Variants in UBE2D4 observed in about 807,000 individuals in gnomAD.
UBE2D4 encodes the protein ubiquitin-conjugating enzyme E2 D4.
UBE2D4 carries 17 observed loss-of-function variants against 23.0 expected under a neutral mutation model. That is an observed-to-expected ratio of 0.74 (90% CI 0.51 to 1.11). UBE2D4 has a LOEUF of 1.11. Ranked by LOEUF, UBE2D4 falls within the 50% of genes least tolerant of loss-of-function variation. UBE2D4 has a pLI of 0.00. For synonymous variants in UBE2D4, 61 were observed against 69.4 expected, an observed-to-expected ratio of 0.88 and a Z score of 0.60; for missense variants, 139 against 181.8, an observed-to-expected ratio of 0.76 and a Z score of 1.35.
chr7:43,952,543 AAGC>A (rs1217939983), intron 6 of UBE2D4, 104 bp from the exon 7 acceptor site: 201 of 1,001,678 alleles, frequency 2.0e-4, no homozygotes, highest in Non-Finnish European at 2.5e-4. Flanking sequence ...GATGTTTGAC[AAGC>A]AGCAGCAGCA....
chr7:43,929,101 G>A (rs189128139), intron 1 of UBE2D4, among the ~76,000 whole-genome samples: 1 of 152,092 alleles, frequency 6.6e-6, no homozygotes, highest in Admixed American at 6.5e-5. Flanking sequence ...AGACCAACTG[G>A]GCAACACAGC....
At chr7:43,939,910 T>C (rs1429354504) in intron 2 of UBE2D4, among the ~76,000 whole-genome samples, 1 of 151,436 alleles carries the variant, frequency 6.6e-6, no homozygotes, top group Non-Finnish European at 1.5e-5. Context: ...TTGTTGGGGG[T>C]GATGGAAAGC....
At position 43,940,027 on chromosome 7, in the gene UBE2D4, T is replaced by C. The variant is rs2095967736; in HGVS notation, c.88+1533T>C. ...AATTGCATATTTTATTATATATTTT[T>C]AACTACAATAAAAAGAAATTTCACA... On this transcript the variant is annotated intron_variant, in intron 2 of 6. Coordinates refer to ENST00000222402, the MANE Select transcript of UBE2D4 (RefSeq NM_015983.4). 2.0e-5 allele frequency among the ~76,000 whole-genome samples: 3 copies of C among 152,204 alleles called. No homozygotes were observed. In the South Asian group the frequency reaches 6.2e-4, roughly 31 times the overall value.
chr7:43,928,335 T>C (rs2095937807), intron 1 of UBE2D4, among the ~76,000 whole-genome samples: 1 of 152,022 alleles, frequency 6.6e-6, no homozygotes, highest in South Asian at 2.1e-4. Flanking sequence ...AGATCAACCA[T>C]CATTGTACAA....
At chr7:43,930,723 G>A (rs1394628678) in intron 1 of UBE2D4, among the ~76,000 whole-genome samples, 1 of 152,124 alleles carries the variant, frequency 6.6e-6, no homozygotes, top group Non-Finnish European at 1.5e-5. Flanking sequence ...TAAAGTGCTG[G>A]GATTACAGGT....
chr7:43,938,761 A>G (rs1181504), intron 2 of UBE2D4, among the ~76,000 whole-genome samples: 1 of 152,190 alleles, frequency 6.6e-6, no homozygotes. Flanking sequence ...GCTTGAACCC[A>G]GGAGGCAGAG....
chr7:43,936,454 ATAAAC>A (rs2095958958), intron 1 of UBE2D4, among the ~76,000 whole-genome samples: 1 of 152,118 alleles, frequency 6.6e-6, no homozygotes, highest in Admixed American at 6.6e-5. Context: ...TAATTACTAT[ATAAAC>A]TTAATCTACT....
At position 43,952,879 on chromosome 7, in the gene UBE2D4, A is replaced by G. The variant is rs899681574; in HGVS notation, c.*184A>G. The G allele has an allele frequency of 1.9e-5, 11 of 568,518 alleles. No individual in the cohort carries two copies. The African/African-American group carries it at 2.1e-4, about 11-fold the overall frequency. The allele number at this position is 568,518 out of a possible 1,614,324, so 35.2% of individuals were successfully genotyped here. ...CATTTTCAGCAATTACGGCTTTGACAGTGCCACCTCTTTGATGCCAAATCA... is the reference window on the plus strand; with the variant it reads ...CATTTTCAGCAATTACGGCTTTGACGGTGCCACCTCTTTGATGCCAAATCA... On this transcript the variant is annotated 3_prime_UTR_variant, in exon 7 of 7. Coordinates refer to ENST00000222402, the MANE Select transcript of UBE2D4 (RefSeq NM_015983.4).
chr7:43,926,657 G>C (rs1461990228), intron 1 of UBE2D4, 101 bp downstream of exon 1: 61 of 1,292,560 alleles, frequency 4.7e-5, no homozygotes, highest in Non-Finnish European at 6.1e-5. Context: ...GGCTCCGCGA[G>C]TCGCGGATAC....
intron 2 of UBE2D4, chr7:43,942,488 CTG>C (rs889094104): frequency 4.2e-6 from 2 of 474,198 alleles, no homozygotes; most frequent in African/African-American, 3.9e-5. Context: ...ATTGGGTGTT[CTG>C]TGTGTGTTGC....
intron 2 of UBE2D4, chr7:43,940,745 G>A (rs192897058): frequency 2.0e-5 from 3 of 152,310 alleles, no homozygotes; most frequent in Non-Finnish European, 4.4e-5. Flanking sequence ...AAGTGAACAA[G>A]ACCAGAGGAT....
At chr7:43,940,643 T>A (rs1390522547) in intron 2 of UBE2D4, among the ~76,000 whole-genome samples, 1 of 152,200 alleles carries the variant, frequency 6.6e-6, no homozygotes, top group African/African-American at 2.4e-5. Context: ...GCATCCCTCC[T>A]GTATATCCTT....
At position 43,952,713 on chromosome 7, in the gene UBE2D4, C is replaced by T. The variant is rs2096005672; in HGVS notation, c.*18C>T. 3.1e-6 allele frequency: 5 copies of T among 1,606,494 alleles called. No individual in the cohort carries two copies. In the East Asian group the frequency reaches 8.9e-5, roughly 29 times the overall value. On this transcript the variant is annotated 3_prime_UTR_variant, in exon 7 of 7. Transcript: ENST00000222402. ...CTATGTAAGTGCCTTGGAGGTTTTACATGAGACACTGTCCAAGAGAAGCTG... is the reference window on the plus strand; with the variant it reads ...CTATGTAAGTGCCTTGGAGGTTTTATATGAGACACTGTCCAAGAGAAGCTG...
chr7:43,946,981 C>T (rs899309632), intron 4 of UBE2D4, among the ~76,000 whole-genome samples: 2 of 151,998 alleles, frequency 1.3e-5, no homozygotes, highest in South Asian at 2.1e-4. Flanking sequence ...CTGCACCCAT[C>T]AACTCATCAT....
chr7:43,942,709 G>A lies in UBE2D4; in HGVS notation c.89-117G>A, dbSNP rs2095975902. On this transcript the variant is annotated intron_variant, in intron 2 of 6. Transcript: ENST00000222402. ...GGGGAACCCCAGTCTTGCAGTTGGTGTCAGAAGTGAGTGCATCTTGTGTAG... is the reference window on the plus strand; with the variant it reads ...GGGGAACCCCAGTCTTGCAGTTGGTATCAGAAGTGAGTGCATCTTGTGTAG... 4 of 1,448,464 alleles carry A rather than the reference G, an allele frequency of 2.8e-6. No homozygotes were observed. In the East Asian group the frequency reaches 6.8e-5, roughly 25 times the overall value. The allele number at this position is 1,448,464 out of a possible 1,614,324, so 89.7% of individuals were successfully genotyped here. A position where few individuals can be genotyped will look rare whatever the true frequency, so the allele number is the denominator to read the frequency against.
intron 5 of UBE2D4, 142 bp downstream of exon 5, chr7:43,948,879 G>A: frequency 1.5e-6 from 1 of 664,838 alleles, no homozygotes; most frequent in African/African-American, 1.8e-5. Flanking sequence ...CCCTTAAGTG[G>A]ATATCCTTAC....
At chr7:43,943,325 C>T (rs1462430598) in intron 4 of UBE2D4, 3 of 535,582 alleles carry the variant, frequency 5.6e-6, no homozygotes, top group Non-Finnish European at 1.0e-5. Context: ...GCTCTGGCTC[C>T]CTTCTCTGCA....
chr7:43,935,735 G>A (rs1216410091), intron 1 of UBE2D4, among the ~76,000 whole-genome samples: 1 of 152,192 alleles, frequency 6.6e-6, no homozygotes, highest in Admixed American at 6.5e-5. Context: ...GATCTTGAAC[G>A]CATAATGATG....
At chr7:43,952,179 C>T (rs983801066) in intron 6 of UBE2D4, 1 of 158,228 alleles carries the variant, frequency 6.3e-6, no homozygotes, top group Non-Finnish European at 1.4e-5. Context: ...GGCAAGCAAT[C>T]AAAAAAGCCA....
Sources: gnomAD v4.1 joint callset for allele counts (sites outside exome capture counted in the v4.1 genomes callset) on GRCh38, gnomAD v4.1.1 for gene constraint, MANE v1.5 for transcripts, NCBI Gene and HGNC (gene_info 2026-07-23, HGNC 2026-07-21) for gene names.